The following MFHAS1 variants were observed in gnomAD, a reference collection of about 807,000 sequenced individuals.
MFHAS1 encodes the protein multifunctional ROCO family signaling regulator 1.
A neutral mutation model predicts 70.4 loss-of-function variants in MFHAS1; 50 were observed. The observed-to-expected ratio is 0.71, with a 90% CI of 0.57 to 0.90. The LOEUF is 0.90. Ranked by LOEUF, MFHAS1 falls within the 40% of genes least tolerant of loss-of-function variation. The pLI is 0.00. For missense variants in MFHAS1, 1,795 were observed against 1,347.6 expected, an observed-to-expected ratio of 1.33 and a Z score of -5.20; for synonymous variants, 952 against 620.0, an observed-to-expected ratio of 1.54 and a Z score of -7.96.
intron 1 of MFHAS1, among the ~76,000 whole-genome samples, chr8:8,837,724 T>C (rs1376115948): frequency 1.3e-5 from 2 of 151,210 alleles, no homozygotes; most frequent in African/African-American, 4.9e-5. Flanking sequence ...CACAATGAGA[T>C]ACCACTGCAC....
At chr8:8,855,339 G>C (rs995422433) in intron 1 of MFHAS1, among the ~76,000 whole-genome samples, 1 of 152,198 alleles carries the variant, frequency 6.6e-6, no homozygotes, top group Non-Finnish European at 1.5e-5. Flanking sequence ...CTTACCACAG[G>C]AGCTCATTGT....
At chr8:8,844,253 T>C (rs146840533) in intron 1 of MFHAS1, among the ~76,000 whole-genome samples, 2 of 152,340 alleles carry the variant, frequency 1.3e-5, no homozygotes, top group Non-Finnish European at 2.9e-5. Context: ...CTAAAAACTG[T>C]ATGATTCTAA....
At position 8,785,184 on chromosome 8, in the gene MFHAS1, C is replaced by T. The variant is rs1366370934; in HGVS notation, c.*838G>A. On this transcript the variant is annotated 3_prime_UTR_variant, in exon 3 of 3. Transcript: ENST00000276282. ...ATGGACTTTTTGTCCTCTTTGGCCC[C>T]TGAGTGTGCCCCATCTCTGCCCAGC... is the stretch of plus-strand genomic sequence containing the variant. 1 of 152,214 alleles carries T rather than the reference C, an allele frequency of 6.6e-6. No individual in the cohort carries two copies. The highest frequency in any genetic ancestry group is 6.5e-5 in the Admixed American group (1 of 15,274). 9.4% of individuals were successfully genotyped at this position (152,214 alleles called of 1,614,324 possible). A position where few individuals can be genotyped will look rare whatever the true frequency, so the allele number is the denominator to read the frequency against.
chr8:8,887,604 G>A (rs6601267), intron 1 of MFHAS1, among the ~76,000 whole-genome samples: 6 of 149,142 alleles, frequency 4.0e-5, no homozygotes, highest in Admixed American at 1.3e-4. Context: ...TTTTATAATC[G>A]TGCTCTAAAA....
intron 2 of MFHAS1, among the ~76,000 whole-genome samples, chr8:8,793,189 A>T (rs962122898): frequency 6.6e-6 from 1 of 150,988 alleles, no homozygotes; most frequent in Admixed American, 6.6e-5. Flanking sequence ...AAAAAAAAAT[A>T]TCACTACCTA....
At chr8:8,820,248 C>G (rs963938855) in intron 1 of MFHAS1, among the ~76,000 whole-genome samples, 1 of 151,950 alleles carries the variant, frequency 6.6e-6, no homozygotes, top group African/African-American at 2.4e-5. Context: ...CTATGCTCCC[C>G]CTTCCCAAGT....
At chr8:8,847,113 T>C (rs1022051995) in intron 1 of MFHAS1, among the ~76,000 whole-genome samples, 8 of 152,236 alleles carry the variant, frequency 5.3e-5, no homozygotes, top group African/African-American at 1.9e-4. Context: ...ACACCAATGA[T>C]ATTTTTCGTA....
chr8:8,820,278 G>A (rs913234828), intron 1 of MFHAS1, among the ~76,000 whole-genome samples: 2 of 151,148 alleles, frequency 1.3e-5, no homozygotes, highest in African/African-American at 4.9e-5. Context: ...TGGGACTGCT[G>A]TGCTCCCCCT....
intron 1 of MFHAS1, among the ~76,000 whole-genome samples, chr8:8,885,950 G>A (rs1408913833): frequency 6.6e-6 from 1 of 152,190 alleles, no homozygotes; most frequent in South Asian, 2.1e-4. Flanking sequence ...GATGGAGAAA[G>A]CAGGTCAAGA....
intron 1 of MFHAS1, among the ~76,000 whole-genome samples, chr8:8,857,975 A>G (rs1462180662): frequency 6.6e-6 from 1 of 152,212 alleles, no homozygotes; most frequent in East Asian, 1.9e-4. Context: ...AACAAATGAG[A>G]AAATCCAAGA....
chr8:8,861,019 G>C (rs1012471178), intron 1 of MFHAS1, among the ~76,000 whole-genome samples: 4 of 152,120 alleles, frequency 2.6e-5, no homozygotes, highest in African/African-American at 9.7e-5. Flanking sequence ...TAGCGATTAT[G>C]ACAGAAAGTC....
chr8:8,876,363 G>A (rs1023890592), intron 1 of MFHAS1, among the ~76,000 whole-genome samples: 1 of 152,124 alleles, frequency 6.6e-6, no homozygotes, highest in Non-Finnish European at 1.5e-5. Context: ...CCTAGGATTT[G>A]ATTAAATGTA....
chr8:8,819,958 A>G (rs1209982619), intron 1 of MFHAS1, among the ~76,000 whole-genome samples: 1 of 152,184 alleles, frequency 6.6e-6, no homozygotes, highest in Non-Finnish European at 1.5e-5. Context: ...TCGGCCTCCC[A>G]AAGTGTTGGG....
intron 1 of MFHAS1, among the ~76,000 whole-genome samples, chr8:8,843,022 T>C (rs1233262068): frequency 5.3e-5 from 8 of 151,982 alleles, no homozygotes; most frequent in Admixed American, 4.6e-4. Context: ...TCCCAGCACT[T>C]TGGGAGGCCG....
At chr8:8,875,571 CTT>C (rs1421356555) in intron 1 of MFHAS1, among the ~76,000 whole-genome samples, 1 of 151,990 alleles carries the variant, frequency 6.6e-6, no homozygotes, top group African/African-American at 2.4e-5. Context: ...CCATGAGAAA[CTT>C]TTTTTTCTTC....
intron 1 of MFHAS1, among the ~76,000 whole-genome samples, chr8:8,833,579 C>T (rs936543022): frequency 1.3e-5 from 2 of 151,784 alleles, no homozygotes; most frequent in Non-Finnish European, 1.5e-5. Context: ...CAGTGAGCCA[C>T]GATTGCACGA....
chr8:8,866,481 G>C (rs748323820), intron 1 of MFHAS1, among the ~76,000 whole-genome samples: 1 of 152,004 alleles, frequency 6.6e-6, no homozygotes, highest in Non-Finnish European at 1.5e-5. Context: ...ACCACGCCCA[G>C]CTAATTTTTT....
intron 1 of MFHAS1, among the ~76,000 whole-genome samples, chr8:8,833,234 G>A (rs1157424074): frequency 2.0e-5 from 3 of 152,138 alleles, no homozygotes; most frequent in Non-Finnish European, 4.4e-5. Flanking sequence ...CTTCAGCACT[G>A]GGGATTGCAT....
chr8:8,846,196 T>A (rs1029996872), intron 1 of MFHAS1, among the ~76,000 whole-genome samples: 1 of 133,424 alleles, frequency 7.5e-6, no homozygotes, highest in Non-Finnish European at 1.5e-5. Context: ...GAGGCTGCAG[T>A]GAGCTGAGAA....
Sources: gnomAD v4.1 joint callset for allele counts (sites outside exome capture counted in the v4.1 genomes callset) on GRCh38, gnomAD v4.1.1 for gene constraint, MANE v1.5 for transcripts, NCBI Gene and HGNC (gene_info 2026-07-23, HGNC 2026-07-21) for gene names.